TMEM132D: variants seen among roughly 807,000 people sequenced by gnomAD.
TMEM132D encodes mature OL transmembrane protein.
A neutral mutation model predicts 62.3 loss-of-function variants in TMEM132D; 21 were observed. The observed-to-expected ratio is 0.34, with a 90% CI of 0.24 to 0.49. The LOEUF (loss-of-function observed/expected upper bound fraction) is 0.49. TMEM132D is among the 20% of genes least tolerant of loss of function. The pLI, the probability that TMEM132D is intolerant of heterozygous loss-of-function variation, is 0.99. For missense variants in TMEM132D, 1,346 were observed against 1,402.8 expected, an observed-to-expected ratio of 0.96 and a Z score of 0.65; for synonymous variants, 621 against 575.6, an observed-to-expected ratio of 1.08 and a Z score of -1.13.
intron 5 of TMEM132D, among the ~76,000 whole-genome samples, chr12:129,106,346 G>A (rs1360643372): frequency 1.3e-5 from 2 of 151,474 alleles, no homozygotes; most frequent in East Asian, 3.9e-4. Context: ...CAGCGCATCA[G>A]CATGGCACAT....
intron 5 of TMEM132D, among the ~76,000 whole-genome samples, chr12:129,146,037 C>T (rs1009717732): frequency 6.6e-6 from 1 of 151,764 alleles, no homozygotes; most frequent in Non-Finnish European, 1.5e-5. Flanking sequence ...GAAATGATTA[C>T]ATAAGCTAAT....
intron 4 of TMEM132D, among the ~76,000 whole-genome samples, chr12:129,325,251 C>T (rs1439179528): frequency 6.6e-6 from 1 of 152,114 alleles, no homozygotes; most frequent in Non-Finnish European, 1.5e-5. Flanking sequence ...GGATCAGACG[C>T]TGGACAGAAA....
At chr12:129,449,711 G>T (rs960740385) in intron 3 of TMEM132D, among the ~76,000 whole-genome samples, 1 of 152,156 alleles carries the variant, frequency 6.6e-6, no homozygotes, top group Non-Finnish European at 1.5e-5. Context: ...CACCAAGTGT[G>T]AATCCAGTAT....
At position 129,700,240 on chromosome 12, in the gene TMEM132D, G is replaced by C. The variant is rs756920052; in HGVS notation, c.538C>G (p.Arg180Gly). Residue 180 changes from arginine to glycine, a missense_variant, in exon 2 of 9, where the codon CGG becomes GGG. By Grantham distance (125) the Arg-to-Gly change is moderately radical (BLOSUM62 -2). Coordinates refer to ENST00000422113, the MANE Select transcript of TMEM132D (RefSeq NM_133448.3). The part of the protein sequence containing the change: ...VFAFRETREV[R>G]GSCRLQGDLG... Reference sequence around the variant, plus strand: ...TCCCCCTGCAGCCGGCAGCTGCCCCGCACCTCTCGGGTCTCTCGGAAAGCA... The same window carrying C: ...TCCCCCTGCAGCCGGCAGCTGCCCCCCACCTCTCGGGTCTCTCGGAAAGCA... 1 of 1,612,948 alleles carries C rather than the reference G, an allele frequency of 6.2e-7. No homozygotes were observed. The highest frequency in any genetic ancestry group is 8.5e-7 in the Non-Finnish European group (1 of 1,179,902).
intron 1 of TMEM132D, among the ~76,000 whole-genome samples, chr12:129,842,164 G>T (rs184048560): frequency 0.12 from 17,411 of 143,212 alleles, 1,635 homozygotes; most frequent in East Asian, 0.52. Context: ...TAGCCAGGAT[G>T]GTCTCGATCT....
At chr12:129,822,854 T>G (rs779290761) in intron 1 of TMEM132D, among the ~76,000 whole-genome samples, 5 of 152,190 alleles carry the variant, frequency 3.3e-5, no homozygotes, top group African/African-American at 1.2e-4. Flanking sequence ...TGGGGATTAT[T>G]GTAATTCAAG....
chr12:129,120,797 C>A (rs1565970718), intron 5 of TMEM132D, among the ~76,000 whole-genome samples: 1 of 152,018 alleles, frequency 6.6e-6, no homozygotes, highest in East Asian at 1.9e-4. Flanking sequence ...ACAGTTTTTT[C>A]AAATTATTTT....
intron 3 of TMEM132D, among the ~76,000 whole-genome samples, chr12:129,373,414 C>T (rs1382184685): frequency 1.3e-5 from 2 of 152,136 alleles, no homozygotes; most frequent in Non-Finnish European, 2.9e-5. Flanking sequence ...GGGTGGATCA[C>T]GAGGTCAGGA....
At chr12:129,459,291 T>C (rs1228993110) in intron 3 of TMEM132D, among the ~76,000 whole-genome samples, 2 of 152,168 alleles carry the variant, frequency 1.3e-5, no homozygotes, top group African/African-American at 4.8e-5. Context: ...AGTCTTCAGG[T>C]TTAGAAAATC....
chr12:129,229,859 A>C (rs1879588731), intron 4 of TMEM132D, among the ~76,000 whole-genome samples: 1 of 152,190 alleles, frequency 6.6e-6, no homozygotes. Context: ...ATCTGTGCTG[A>C]TGAGGGTGCA....
At chr12:129,275,614 A>C (rs529765487) in intron 4 of TMEM132D, among the ~76,000 whole-genome samples, 1 of 152,334 alleles carries the variant, frequency 6.6e-6, no homozygotes, top group Admixed American at 6.5e-5. Flanking sequence ...ACCACAGTTC[A>C]GGGGATGCTG....
Position 129,345,487 on chromosome 12 carries a change from A to G in TMEM132D, c.1116-7670T>C, listed in dbSNP as rs535141519. Among the ~76,000 whole-genome samples the G allele has an allele frequency of 2.0e-3, 300 of 152,324 alleles. 1 individual carries two copies. The highest frequency in any genetic ancestry group is 3.5e-3 in the South Asian group (17 of 4,828). The stretch of plus-strand genomic sequence containing the variant: ...TTAAGAAGACAAAACTGGTGTTTCT[A>G]TGTAATACTGGTATTTGGCTTCAGT... On this transcript the variant is annotated intron_variant, in intron 3 of 8. Coordinates refer to ENST00000422113, the MANE Select transcript of TMEM132D (RefSeq NM_133448.3).
At chr12:129,226,496 G>T (rs1341537255) in intron 4 of TMEM132D, among the ~76,000 whole-genome samples, 1 of 152,222 alleles carries the variant, frequency 6.6e-6, no homozygotes, top group Non-Finnish European at 1.5e-5. Context: ...CCAGGATGTG[G>T]TGTCAAACTC....
intron 2 of TMEM132D, among the ~76,000 whole-genome samples, chr12:129,653,308 G>T (rs755765207): frequency 4.6e-5 from 7 of 152,152 alleles, no homozygotes; most frequent in Admixed American, 3.3e-4. Context: ...ACACAGCCAG[G>T]GCTTCCGGCT....
intron 1 of TMEM132D, among the ~76,000 whole-genome samples, chr12:129,826,903 GT>G (rs1291709848): frequency 6.6e-6 from 1 of 152,220 alleles, no homozygotes; most frequent in Non-Finnish European, 1.5e-5. Context: ...TGACCTAGTT[GT>G]GAAAGAAAAA....
intron 2 of TMEM132D, among the ~76,000 whole-genome samples, chr12:129,555,265 C>G (rs1412885301): frequency 6.6e-6 from 1 of 152,192 alleles, no homozygotes; most frequent in Non-Finnish European, 1.5e-5. Flanking sequence ...TGGAAATGTA[C>G]TTAGCCTACA....
chr12:129,842,790 C>T (rs1873238470), intron 1 of TMEM132D, among the ~76,000 whole-genome samples: 1 of 152,146 alleles, frequency 6.6e-6, no homozygotes, highest in Non-Finnish European at 1.5e-5. Flanking sequence ...TCTTTAATTT[C>T]CCCAGCATTG....
At chr12:129,861,447 G>A (rs1313508080) in intron 1 of TMEM132D, among the ~76,000 whole-genome samples, 1 of 152,276 alleles carries the variant, frequency 6.6e-6, no homozygotes, top group East Asian at 1.9e-4. Flanking sequence ...CCTGAATTCT[G>A]CTAAGATGTA....
intron 5 of TMEM132D, among the ~76,000 whole-genome samples, chr12:129,087,826 A>T (rs1422322175): frequency 6.6e-6 from 1 of 151,706 alleles, no homozygotes; most frequent in Non-Finnish European, 1.5e-5. Flanking sequence ...AAATTCCAGG[A>T]GGGGGAGAAT....
Sources: gnomAD v4.1 joint callset for allele counts (sites outside exome capture counted in the v4.1 genomes callset) on GRCh38, gnomAD v4.1.1 for gene constraint, MANE v1.5 for transcripts, NCBI Gene and HGNC (gene_info 2026-07-23, HGNC 2026-07-21) for gene names.